The following PDXK variants were observed in gnomAD, a reference collection of about 807,000 sequenced individuals.
The protein encoded by PDXK is pyridoxal kinase.
In PDXK, 15 loss-of-function variants were observed where a neutral mutation model predicts 43.2. The observed-to-expected ratio is 0.35, with a 90% confidence interval of 0.23 to 0.53. PDXK has a LOEUF of 0.53. Among genes scored for constraint, PDXK ranks in the 20% least tolerant of loss-of-function variants. PDXK has a pLI of 0.92. For missense variants in PDXK, 343 were observed against 417.0 expected (o/e 0.82, Z 1.54); for synonymous variants, 172 against 165.4 (o/e 1.04, Z -0.31).
intron 9 of PDXK, 98 bp downstream of exon 9, chr21:43,753,817 C>T (rs2083799302): frequency 5.8e-6 from 8 of 1,375,788 alleles, no homozygotes; most frequent in Non-Finnish European, 5.9e-6. Context: ...GCTGAGCTGA[C>T]AGGGCATGGC....
At chr21:43,727,512 TC>T (rs2083266563) in intron 1 of PDXK, among the ~76,000 whole-genome samples, 2 of 152,200 alleles carry the variant, frequency 1.3e-5, no homozygotes, top group Admixed American at 1.3e-4. Flanking sequence ...CTTTCCCCAT[TC>T]CTGAAGCAGG....
intron 1 of PDXK, chr21:43,729,092 C>T (rs1237397350): frequency 6.3e-5 from 56 of 891,302 alleles, no homozygotes; most frequent in Non-Finnish European, 7.2e-5. Flanking sequence ...CGCAATCCTG[C>T]CCCCTGGCTG....
chr21:43,750,923 T>C (rs557820629), intron 7 of PDXK, among the ~76,000 whole-genome samples: 8 of 149,710 alleles, frequency 5.3e-5, no homozygotes, highest in East Asian at 4.0e-4. Flanking sequence ...TGTGTGCATG[T>C]GTGTGCGTAT....
At chr21:43,751,718 C>T (rs561574300) in intron 7 of PDXK, among the ~76,000 whole-genome samples, 2 of 152,182 alleles carry the variant, frequency 1.3e-5, no homozygotes, top group South Asian at 2.1e-4. Flanking sequence ...GCAGGGGGCT[C>T]GAGGGGCCCA....
chr21:43,725,900 T>G (rs1161726862), intron 1 of PDXK, among the ~76,000 whole-genome samples: 1 of 152,062 alleles, frequency 6.6e-6, no homozygotes, highest in Non-Finnish European at 1.5e-5. Context: ...CTAACTTCCT[T>G]AGAGGTGATG....
chr21:43,745,230 G>C (rs960958689), intron 4 of PDXK, among the ~76,000 whole-genome samples: 7 of 152,108 alleles, frequency 4.6e-5, no homozygotes, highest in Non-Finnish European at 1.0e-4. Context: ...GATCAGCCTG[G>C]CCAACATGGT....
chr21:43,741,469 G>T (rs979130699), intron 2 of PDXK, 198 bp from the exon 3 acceptor site: 3 of 1,215,292 alleles, frequency 2.5e-6, no homozygotes, highest in Non-Finnish European at 3.1e-6. Context: ...GCTCGCGGGG[G>T]GCTCGAGGCG....
intron 1 of PDXK, among the ~76,000 whole-genome samples, chr21:43,726,824 CTG>C (rs565638924): frequency 1.8e-4 from 27 of 151,232 alleles, no homozygotes; most frequent in African/African-American, 4.4e-4. Flanking sequence ...TTTGTGTACA[CTG>C]TGTGTGTATG....
intron 1 of PDXK, among the ~76,000 whole-genome samples, chr21:43,725,039 G>A (rs1413472996): frequency 6.6e-6 from 1 of 152,130 alleles, no homozygotes; most frequent in African/African-American, 2.4e-5. Flanking sequence ...AACACCTGGT[G>A]TTGGCTGGGT....
rs2083902719 is a variant in PDXK, at chr21:43,759,641, G to C, written c.*3578G>C. On this transcript the variant is annotated 3_prime_UTR_variant, in exon 11 of 11. Transcript: ENST00000291565. ...GCCCAGAGCAGGGGAACTGGAGTTTGTGAGTGAGCAGAGCAGGTTATGTGC... is the reference window on the plus strand; with the variant it reads ...GCCCAGAGCAGGGGAACTGGAGTTTCTGAGTGAGCAGAGCAGGTTATGTGC... 6.5e-6 allele frequency: 1 copy of C among 153,298 alleles called. No homozygotes were observed. 9.5% of individuals were successfully genotyped at this position (153,298 alleles called of 1,614,324 possible).
intron 1 of PDXK, among the ~76,000 whole-genome samples, chr21:43,731,849 C>T (rs1203812964): frequency 6.6e-6 from 1 of 152,256 alleles, no homozygotes; most frequent in African/African-American, 2.4e-5. Flanking sequence ...AAAGGGAACA[C>T]TGGTGTCGTG....
intron 7 of PDXK, among the ~76,000 whole-genome samples, chr21:43,751,635 C>T (rs543483645): frequency 5.9e-5 from 9 of 152,230 alleles, no homozygotes; most frequent in Non-Finnish European, 1.2e-4. Context: ...AAGGCACTGG[C>T]AGGCTCAGGG....
chr21:43,753,447 C>T (rs556946387), intron 8 of PDXK, 136 bp from the exon 9 acceptor site: 8 of 761,090 alleles, frequency 1.1e-5, no homozygotes, highest in Admixed American at 2.9e-5. Context: ...TGAGCCCCCA[C>T]GTCCTGAGCA....
intron 6 of PDXK, among the ~76,000 whole-genome samples, chr21:43,749,563 T>C (rs1011441938): frequency 4.1e-4 from 63 of 152,264 alleles, no homozygotes; most frequent in African/African-American, 1.5e-3. Flanking sequence ...CCCTTGATAC[T>C]GGAGCAGGAT....
intron 1 of PDXK, among the ~76,000 whole-genome samples, chr21:43,730,220 G>C (rs1367835333): frequency 2.6e-5 from 4 of 152,094 alleles, no homozygotes; most frequent in African/African-American, 9.7e-5. Context: ...CCGCCTCCCA[G>C]GTTCAAGTGA....
At chr21:43,742,559 G>C (rs937948347) in intron 3 of PDXK, among the ~76,000 whole-genome samples, 1 of 152,070 alleles carries the variant, frequency 6.6e-6, no homozygotes, top group South Asian at 2.1e-4. Context: ...GAGCCACTGC[G>C]CCCAGCCTCT....
intron 1 of PDXK, chr21:43,728,817 C>T: frequency 2.0e-6 from 2 of 985,572 alleles, no homozygotes; most frequent in South Asian, 9.4e-5. Flanking sequence ...CTCCTGCGGT[C>T]CAGCCGGATG....
chr21:43,728,817 C>A, intron 1 of PDXK: 1 of 985,572 alleles, frequency 1.0e-6, no homozygotes, highest in Non-Finnish European at 1.2e-6. Flanking sequence ...CTCCTGCGGT[C>A]CAGCCGGATG....
chr21:43,743,370 T>C (rs1211787693), intron 3 of PDXK, among the ~76,000 whole-genome samples: 8 of 20,670 alleles, frequency 3.9e-4, no homozygotes, highest in Admixed American at 3.3e-3. Context: ...TCCCCCCAGC[T>C]CCCGAGCACT....
Sources: gnomAD v4.1 joint callset for allele counts (sites outside exome capture counted in the v4.1 genomes callset) on GRCh38, gnomAD v4.1.1 for gene constraint, MANE v1.5 for transcripts, NCBI Gene and HGNC (gene_info 2026-07-23, HGNC 2026-07-21) for gene names.